Variants in DIAPH1 observed in about 807,000 individuals in gnomAD.
DIAPH1 encodes protein diaphanous homolog 1.
Under a neutral mutation model 140.7 loss-of-function variants are expected in DIAPH1, and 46 were observed. That is an observed-to-expected ratio of 0.33 (90% CI 0.26 to 0.42). The LOEUF is 0.42. DIAPH1 is among the 10% of genes least tolerant of loss of function. DIAPH1 has a pLI of 1.00. For synonymous variants in DIAPH1, 565 were observed against 551.6 expected, an observed-to-expected ratio of 1.02 and a Z score of -0.34; for missense variants, 1,310 against 1,558.7, an observed-to-expected ratio of 0.84 and a Z score of 2.69.
chr5:141,583,414 T>C (rs77219927), intron 5 of DIAPH1, 71 bp downstream of exon 5: 11 of 1,612,374 alleles, frequency 6.8e-6, no homozygotes, highest in Admixed American at 5.0e-5. Context: ...CCTGGCTCCT[T>C]TGATCTTCAA....
chr5:141,618,921 G>C lies in DIAPH1; in HGVS notation c.-7C>G. The stretch of plus-strand genomic sequence containing the variant: ...TCCCGCCGGGCGGCTCCATGTCCCG[G>C]TTCACGCTGGCCGGCGACCCCGCGC... On this transcript the variant is annotated 5_prime_UTR_variant, in exon 1 of 28. Transcript: ENST00000389054. 3 of 1,473,864 alleles carry C rather than the reference G, an allele frequency of 2.0e-6. No homozygotes were observed. The highest frequency in any genetic ancestry group is 1.3e-5 in the South Asian group (1 of 76,990). 91.3% of individuals were successfully genotyped at this position (1,473,864 alleles called of 1,614,324 possible). A position where few individuals can be genotyped will look rare whatever the true frequency, so the allele number is the denominator to read the frequency against.
In DIAPH1 at chr5:141,582,304, A is replaced by T; in HGVS notation, c.684+8T>A. ...TGGGGTTTGGAATGAGAATGGGAAA[A>T]ATCTCACCTTGTTGTTCATAAAAGC... is the stretch of plus-strand genomic sequence containing the variant. On this transcript the variant is annotated splice_region_variant and intron_variant, in intron 7 of 27. Coordinates refer to ENST00000389054, the MANE Select transcript of DIAPH1 (RefSeq NM_005219.5). 1 of 1,612,580 alleles carries T rather than the reference A, an allele frequency of 6.2e-7. No individual in the cohort carries two copies. The highest frequency in any genetic ancestry group is 8.5e-7 in the Non-Finnish European group (1 of 1,178,652).
intron 18 of DIAPH1, among the ~76,000 whole-genome samples, chr5:141,570,416 A>T (rs1052359958): frequency 6.6e-6 from 1 of 152,166 alleles, no homozygotes; most frequent in African/African-American, 2.4e-5. Flanking sequence ...GGAAGGTGAC[A>T]ATTTTCTTAG....
At chr5:141,519,503 T>C (rs938356960) in intron 27 of DIAPH1, among the ~76,000 whole-genome samples, 1 of 152,146 alleles carries the variant, frequency 6.6e-6, no homozygotes, top group African/African-American at 2.4e-5. Flanking sequence ...AGAGGTCCCA[T>C]GTGGTAGGTC....
chr5:141,542,905 A>G (rs1004649176), intron 18 of DIAPH1, among the ~76,000 whole-genome samples: 1 of 152,198 alleles, frequency 6.6e-6, no homozygotes, highest in African/African-American at 2.4e-5. Flanking sequence ...AACTAATTCA[A>G]TTGGTGAAAC....
chr5:141,584,695 C>G (rs541314745), intron 3 of DIAPH1, among the ~76,000 whole-genome samples: 7 of 152,130 alleles, frequency 4.6e-5, no homozygotes, highest in Non-Finnish European at 1.0e-4. Flanking sequence ...TCCTTTCCCA[C>G]GAAGAAAGAA....
intron 17 of DIAPH1, 88 bp downstream of exon 17, chr5:141,571,838 C>CT: frequency 2.1e-6 from 2 of 942,946 alleles, no homozygotes; most frequent in Non-Finnish European, 3.5e-6. Context: ...TCTATCTTCA[C>CT]CCAGGGAAGG....
rs1275345821 is a variant in DIAPH1, at chr5:141,574,003, G to A, written c.1847C>T (p.Pro616Leu). Residue 616 changes from proline to leucine, a missense_variant, in exon 16 of 28, where the codon CCT becomes CTT. Coordinates refer to ENST00000389054, the MANE Select transcript of DIAPH1 (RefSeq NM_005219.5). ...ACCCCCAGGCAAAGGAGGTGGAGGA[G>A]GAGGAGGAGGAGGAGGAGGAGGAGG... ...TTPPPPPPPP[P>L]PPPPLPGGVC... 2 of 1,547,236 alleles carry A rather than the reference G, an allele frequency of 1.3e-6. No individual in the cohort carries two copies. Among genetic ancestry groups the A allele is most frequent in the South Asian group, 1.2e-5 (1 of 83,630 alleles).
At chr5:141,607,992 C>T (rs985698972) in intron 1 of DIAPH1, among the ~76,000 whole-genome samples, 1 of 152,208 alleles carries the variant, frequency 6.6e-6, no homozygotes, top group South Asian at 2.1e-4. Context: ...AAATAACTTG[C>T]TTAGAGTTCA....
rs2099895557 is a variant in DIAPH1, at chr5:141,573,847, G to A, written c.2003C>T (p.Ser668Phe). Residue 668 changes from serine to phenylalanine, a missense_variant, in exon 16 of 28, where the codon TCT becomes TTT. Transcript: ENST00000389054. ...GGGGATGGCAGTACCTCCAGGCAAA[G>A]AAGAGGGTGAAGGGATGCCAACACC... ...PEGVGIPSPS[S>F]LPGGTAIPPP... is the part of the protein sequence containing the mutation. 2.0e-6 allele frequency: 3 copies of A among 1,527,442 alleles called. No individual in the cohort carries two copies. In the African/African-American group the frequency reaches 4.1e-5, roughly 21 times the overall value. The allele number at this position is 1,527,442 out of a possible 1,614,324, so 94.6% of individuals were successfully genotyped here. A position where few individuals can be genotyped will look rare whatever the true frequency, so the allele number is the denominator to read the frequency against.
Position 141,591,712 on chromosome 5 carries a change from A to ATATATATATATATATATATATT in DIAPH1, c.118-3463_118-3462insAATATATATATATATATATATA, listed in dbSNP as rs1426398756. ...GAGATGGGGATATATATATATATAT[A>ATATATATATATATATATATATT]TATATATATATATATGAAGGAAGAT... On this transcript the variant is annotated intron_variant, in intron 1 of 27. Transcript: ENST00000389054. Among the ~76,000 whole-genome samples the ATATATATATATATATATATATT allele has an allele frequency of 6.3e-4, 45 of 71,662 alleles. 1 individual carries two copies. Among genetic ancestry groups the ATATATATATATATATATATATT allele is most frequent in the Non-Finnish European group, 1.3e-3 (41 of 32,642 alleles). 47.0% of individuals were successfully genotyped at this position (71,662 alleles called of 152,430 possible).
rs1219615963 is a variant in DIAPH1 at position 141,573,683 on chromosome 5, C to G, written c.2167G>C (p.Gly723Arg). The G allele has an allele frequency of 6.2e-7, 1 of 1,605,592 alleles. No individual in the cohort carries two copies. Among genetic ancestry groups the G allele is most frequent in the South Asian group, 1.1e-5 (1 of 90,744 alleles). ...GGAGGAGGTGGAGGGATTCCAGGAC[C>G]ACCAGGAAGAGGGGGAGGAGGAGGT... ...MPPPPPPLPG[G>R]PGIPPPPPFP... Residue 723 changes from glycine (G) to arginine (R), a missense_variant, in exon 16 of 28, where the codon GGT becomes CGT. By Grantham distance (125) the Gly-to-Arg change is moderately radical. This residue lies in a region of DIAPH1 where 589 missense variants were observed against 549.3 expected (regional missense o/e 1.07). Transcript: ENST00000389054.
At chr5:141,601,749 G>A (rs547478133) in intron 1 of DIAPH1, among the ~76,000 whole-genome samples, 37 of 152,266 alleles carry the variant, frequency 2.4e-4, no homozygotes, top group Non-Finnish European at 3.8e-4. Context: ...AGCATCATCC[G>A]AAACAGTATA....
intron 14 of DIAPH1, among the ~76,000 whole-genome samples, chr5:141,575,576 G>C (rs540290730): frequency 6.6e-6 from 1 of 152,040 alleles, no homozygotes; most frequent in African/African-American, 2.4e-5. Context: ...TTGAACCCAG[G>C]AGACAGAGGT....
chr5:141,616,978 T>C (rs1278921306), intron 1 of DIAPH1, among the ~76,000 whole-genome samples: 1 of 152,160 alleles, frequency 6.6e-6, no homozygotes, highest in Non-Finnish European at 1.5e-5. Context: ...ATAGTAGACT[T>C]CACAAGTTCG....
intron 1 of DIAPH1, among the ~76,000 whole-genome samples, chr5:141,599,882 T>C (rs2099899881): frequency 6.6e-6 from 1 of 151,978 alleles, no homozygotes; most frequent in Admixed American, 6.6e-5. Context: ...TTTTTTTTGG[T>C]CTATGTTTTT....
intron 1 of DIAPH1, among the ~76,000 whole-genome samples, chr5:141,615,378 A>C (rs2099902503): frequency 7.0e-6 from 1 of 142,260 alleles, no homozygotes; most frequent in African/African-American, 2.6e-5. Flanking sequence ...GGTTGCAGTG[A>C]GCCGAGATCG....
chr5:141,544,038 C>T (rs1173372675), intron 18 of DIAPH1, among the ~76,000 whole-genome samples: 1 of 152,012 alleles, frequency 6.6e-6, no homozygotes. Flanking sequence ...CGGCCGGGCG[C>T]GGTGGCTCAC....
At chr5:141,536,924 C>T (rs1236273432) in intron 18 of DIAPH1, among the ~76,000 whole-genome samples, 1 of 152,046 alleles carries the variant, frequency 6.6e-6, no homozygotes, top group African/African-American at 2.4e-5. Context: ...AATCCAAGCA[C>T]TTTAGGAGGC....
Sources: gnomAD v4.1 joint callset for allele counts (sites outside exome capture counted in the v4.1 genomes callset) on GRCh38, gnomAD v4.1.1 for gene constraint, gnomAD v4.1.1 regional missense constraint, MANE v1.5 for transcripts, NCBI Gene and HGNC (gene_info 2026-07-23, HGNC 2026-07-21) for gene names.